Variants in KIAA1217 observed in about 807,000 individuals in gnomAD.
The protein encoded by KIAA1217 is sickle tail protein homolog.
A neutral mutation model predicts 163.9 loss-of-function variants in KIAA1217; 88 were observed. The ratio of observed to expected loss-of-function variants is 0.54; its 90% confidence interval spans 0.45 to 0.64. The LOEUF (loss-of-function observed/expected upper bound fraction) is 0.64. Among genes scored for constraint, KIAA1217 ranks in the 30% least tolerant of loss-of-function variants. KIAA1217 has a pLI of 0.00. For synonymous variants in KIAA1217, 903 were observed against 923.1 expected (o/e 0.98, Z 0.39); for missense variants, 2,372 against 2,475.0 (o/e 0.96, Z 0.88).
Position 24,282,166 on chromosome 10 carries a change from A to G in KIAA1217, c.354+62257A>G, listed in dbSNP as rs377467219. On this transcript the variant is annotated intron_variant, in intron 2 of 20. Transcript: ENST00000376454. ...GAGGAGCTCTTGAAGCCAAGGGTTCAAGACCAGCCTGGGCAACATAGAGAC... is the reference window on the plus strand; with the variant it reads ...GAGGAGCTCTTGAAGCCAAGGGTTCGAGACCAGCCTGGGCAACATAGAGAC... Among the ~76,000 whole-genome samples, 185 of 151,968 alleles carry G rather than the reference A, an allele frequency of 1.2e-3. 2 individuals are homozygous for G. The highest frequency in any genetic ancestry group is 4.0e-3 in the African/African-American group (165 of 41,418).
intron 2 of KIAA1217, among the ~76,000 whole-genome samples, chr10:24,264,148 C>T (rs367804717): frequency 8.3e-4 from 127 of 152,174 alleles, no homozygotes; most frequent in African/African-American, 2.2e-3. Flanking sequence ...TGTGAGCCAC[C>T]GCTCCCAGCC....
intron 1 of KIAA1217, among the ~76,000 whole-genome samples, chr10:23,802,117 A>C (rs11013713): frequency 0.31 from 47,735 of 151,918 alleles, 8,636 homozygotes; most frequent in African/African-American, 0.49. Flanking sequence ...ATAGCAGAAT[A>C]TGGGGTATAG....
chr10:24,095,368 G>A (rs761791301), intron 2 of KIAA1217, among the ~76,000 whole-genome samples: 49 of 152,186 alleles, frequency 3.2e-4, no homozygotes, highest in Non-Finnish European at 4.7e-4. Context: ...GTTCCTATTC[G>A]GCCATCATGG....
chr10:23,750,588 G>C (rs1052238678), intron 1 of KIAA1217, among the ~76,000 whole-genome samples: 8 of 151,902 alleles, frequency 5.3e-5, no homozygotes, highest in Admixed American at 6.6e-5. Flanking sequence ...GCCCCTTTAC[G>C]CCTCTGTCTC....
intron 2 of KIAA1217, among the ~76,000 whole-genome samples, chr10:24,254,823 A>G (rs1416572235): frequency 6.6e-6 from 1 of 151,988 alleles, no homozygotes; most frequent in Non-Finnish European, 1.5e-5. Context: ...CTGGGGAACT[A>G]TAAATGTCTC....
At chr10:24,377,587 T>A (rs376295535) in intron 2 of KIAA1217, among the ~76,000 whole-genome samples, 2 of 152,324 alleles carry the variant, frequency 1.3e-5, no homozygotes, top group Admixed American at 6.5e-5. Flanking sequence ...ATCTTTCCTT[T>A]CTTATGGTAA....
chr10:23,957,562 A>G (rs1225166618), intron 1 of KIAA1217, among the ~76,000 whole-genome samples: 2 of 152,138 alleles, frequency 1.3e-5, no homozygotes, highest in Non-Finnish European at 2.9e-5. Context: ...TCTCTACTAA[A>G]AATACAAAAA....
chr10:24,322,970 G>T (rs886433266), intron 2 of KIAA1217, among the ~76,000 whole-genome samples: 1 of 152,068 alleles, frequency 6.6e-6, no homozygotes, highest in Non-Finnish European at 1.5e-5. Flanking sequence ...TATAGACAAA[G>T]TCTCACTCTA....
intron 1 of KIAA1217, among the ~76,000 whole-genome samples, chr10:23,881,180 C>T (rs1318852742): frequency 1.3e-5 from 2 of 151,676 alleles, no homozygotes; most frequent in Non-Finnish European, 2.9e-5. Context: ...AAGGTAAACA[C>T]ATTTCTTACT....
intron 1 of KIAA1217, among the ~76,000 whole-genome samples, chr10:23,982,090 C>T (rs1476324682): frequency 3.3e-5 from 5 of 151,758 alleles, no homozygotes; most frequent in African/African-American, 1.2e-4. Context: ...GCAGAAGCTG[C>T]AGGAAATCTT....
In KIAA1217 at chr10:23,947,668, T is replaced by C. The variant is rs566682679; in HGVS notation, c.-320-59557T>C. On this transcript the variant is annotated intron_variant, in intron 1 of 18. Transcript: ENST00000376462. ...ATTGCCATTAAATTATTTCATTTAA[T>C]AAATATTGATTGATTGCCTTACTAT... Among the ~76,000 whole-genome samples, 192 of 152,320 alleles carry C rather than the reference T, an allele frequency of 1.3e-3. 1 individual carries two copies. Among genetic ancestry groups the C allele is most frequent in the Non-Finnish European group, 2.3e-3 (154 of 68,030 alleles).
chr10:24,041,764 C>G (rs1346208737), intron 2 of KIAA1217, among the ~76,000 whole-genome samples: 1 of 152,172 alleles, frequency 6.6e-6, no homozygotes, highest in African/African-American at 2.4e-5. Flanking sequence ...TGTGCTAAAG[C>G]AAGGAAATAT....
At chr10:24,234,656 C>CAA (rs71397938) in intron 2 of KIAA1217, among the ~76,000 whole-genome samples, 1,024 of 71,992 alleles carry the variant, frequency 0.014, 20 homozygotes, top group African/African-American at 0.037. Context: ...AAAACTGTCT[C>CAA]AAAAAAAAAA....
chr10:23,842,201 C>T (rs1838820492), intron 1 of KIAA1217, among the ~76,000 whole-genome samples: 1 of 152,074 alleles, frequency 6.6e-6, no homozygotes, highest in Admixed American at 6.6e-5. Flanking sequence ...GCATATCTGC[C>T]TTATTCCCTC....
chr10:24,225,026 T>C (rs535385353), intron 2 of KIAA1217, among the ~76,000 whole-genome samples: 43 of 152,062 alleles, frequency 2.8e-4, no homozygotes, highest in Admixed American at 5.9e-4. Flanking sequence ...CGGGGTTCAC[T>C]GTGTTAGCCA....
intron 1 of KIAA1217, among the ~76,000 whole-genome samples, chr10:23,718,713 A>G (rs1368459985): frequency 1.3e-5 from 2 of 152,100 alleles, no homozygotes; most frequent in African/African-American, 4.8e-5. Flanking sequence ...AAAAAGGACC[A>G]TATTCTTTAC....
chr10:24,018,437 T>A (rs981246704), intron 2 of KIAA1217, among the ~76,000 whole-genome samples: 1 of 152,054 alleles, frequency 6.6e-6, no homozygotes, highest in Non-Finnish European at 1.5e-5. Context: ...AGAGCTTTTA[T>A]TAGGAGATAT....
At chr10:24,441,283 G>A (rs1298515690) in intron 5 of KIAA1217, among the ~76,000 whole-genome samples, 1 of 152,124 alleles carries the variant, frequency 6.6e-6, no homozygotes, top group African/African-American at 2.4e-5. Flanking sequence ...AGACCTCCCA[G>A]CTGCCTGCTT....
chr10:24,142,269 C>T (rs573370808), intron 2 of KIAA1217, among the ~76,000 whole-genome samples: 80 of 152,162 alleles, frequency 5.3e-4, no homozygotes, highest in Non-Finnish European at 1.0e-3. Flanking sequence ...GTTAGTGAAT[C>T]GAGTATCAAT....
Sources: allele counts gnomAD v4.1 joint callset (sites outside exome capture counted in the v4.1 genomes callset), GRCh38; gene constraint gnomAD v4.1.1; transcripts MANE v1.5; gene names NCBI Gene and HGNC (gene_info 2026-07-23, HGNC 2026-07-21).